NELFA: variants seen among roughly 807,000 people sequenced by gnomAD.
NELFA encodes the protein negative elongation factor complex member A.
Under a neutral mutation model 51.8 loss-of-function variants are expected in NELFA, and 35 were observed. The observed-to-expected ratio is 0.68, with a 90% confidence interval of 0.52 to 0.90. The LOEUF (loss-of-function observed/expected upper bound fraction) is 0.90. Among genes scored for constraint, NELFA ranks in the 40% least tolerant of loss-of-function variants. The pLI is 0.00. For missense variants in NELFA, 658 were observed against 746.4 expected (o/e 0.88, Z 1.38); for synonymous variants, 417 against 338.4 (o/e 1.23, Z -2.55).
At position 1,984,833 on chromosome 4, in the gene NELFA, G is replaced by A. The variant is rs748544211; in HGVS notation, c.1011C>T (p.Tyr337=). Residue 337 remains tyrosine, a synonymous_variant, in exon 8 of 11, where the codon TAC becomes TAT. Coordinates refer to ENST00000382882, the MANE Select transcript of NELFA (RefSeq NM_005663.5). The part of the protein sequence containing the change: ...STPSVVPASS[Y]IPSSETPPAP... The stretch of plus-strand genomic sequence containing the variant: ...CTGGGGGCGTCTCGGAGCTGGGGAT[G>A]TAGGAGGAGGCGGGAACCACGCTGG... 9 of 1,570,232 alleles carry A rather than the reference G, an allele frequency of 5.7e-6. No homozygotes were observed. The highest frequency in any genetic ancestry group is 4.7e-5 in the South Asian group (4 of 85,026).
At position 1,986,473 on chromosome 4, in the gene NELFA, G is replaced by A. The variant is rs369985875; in HGVS notation, c.635-71C>T. The A allele has an allele frequency of 1.5e-5, 24 of 1,605,956 alleles. No individual in the cohort carries two copies. In the African/African-American group the frequency reaches 1.9e-4, roughly 13 times the overall value. On this transcript the variant is annotated intron_variant, in intron 4 of 10. Coordinates refer to ENST00000382882, the MANE Select transcript of NELFA (RefSeq NM_005663.5). The stretch of plus-strand genomic sequence containing the variant: ...ACGTCCCCCACCCCGAGCTCAGAAC[G>A]TCCCACCCTCTTCTAGGCTAGCGCC...
chr4:1,986,870 C>G (rs755168897), intron 4 of NELFA, among the ~76,000 whole-genome samples: 23 of 152,154 alleles, frequency 1.5e-4, no homozygotes, highest in Non-Finnish European at 7.4e-5. Flanking sequence ...GGTGCCAGGC[C>G]CGGAGAGAGG....
chr4:1,993,361 C>G (rs1728333525), intron 1 of NELFA, among the ~76,000 whole-genome samples: 1 of 152,098 alleles, frequency 6.6e-6, no homozygotes, highest in African/African-American at 2.4e-5. Flanking sequence ...GCGGGCGGCT[C>G]ACGAGGTCAG....
In NELFA at chr4:1,986,136, C is replaced by A; in HGVS notation, c.813G>T (p.Ala271=). The change falls in exon 6 of 11, where the codon GCG becomes GCT. Residue 271 remains alanine (A), a synonymous_variant. Coordinates refer to ENST00000382882, the MANE Select transcript of NELFA (RefSeq NM_005663.5). The stretch of plus-strand genomic sequence containing the variant: ...CACCGAGAGTCTTCCTTCTCCGCTT[C>A]GCCTCTCGGCCAGCGCCAACCATAT... ...ELDMVGAGRE[A]KRRRKTLDAE... is the part of the protein sequence containing the mutation. The A allele has an allele frequency of 6.4e-7, 1 of 1,553,584 alleles. No homozygotes were observed. The highest frequency in any genetic ancestry group is 8.7e-7 in the Non-Finnish European group (1 of 1,148,174).
intron 1 of NELFA, among the ~76,000 whole-genome samples, chr4:2,006,711 G>A (rs1022909429): frequency 2.1e-5 from 3 of 141,496 alleles, no homozygotes; most frequent in Non-Finnish European, 3.0e-5. Context: ...CAAGGTTAAA[G>A]TGAGCTATGA....
intron 4 of NELFA, chr4:1,986,704 T>C (rs1207769908): frequency 8.1e-6 from 3 of 369,242 alleles, no homozygotes; most frequent in Non-Finnish European, 5.1e-6. Flanking sequence ...GCCTCCTTCC[T>C]GTGCCTCCAC....
chr4:1,986,406 G>A lies in NELFA; in HGVS notation c.635-4C>T. 1.9e-6 allele frequency: 3 copies of A among 1,612,684 alleles called. No individual in the cohort carries two copies. The highest frequency in any genetic ancestry group is 2.5e-6 in the Non-Finnish European group (3 of 1,179,632). On this transcript the variant is annotated splice_polypyrimidine_tract_variant and splice_region_variant and intron_variant, in intron 4 of 10. Coordinates refer to ENST00000382882, the MANE Select transcript of NELFA (RefSeq NM_005663.5). ...TTCGGGATGCCTTTGAGTGGGGCTG[G>A]AGGACGGCAACAGTCAGGGCGCCAG...
rs554264749 is a variant in NELFA, at chr4:1,995,226, C to A, written c.211-3511G>T. Among the ~76,000 whole-genome samples the A allele has an allele frequency of 8.6e-4, 131 of 152,332 alleles. 1 individual carries two copies. The highest frequency in any genetic ancestry group is 8.5e-3 in the Admixed American group (130 of 15,300). On this transcript the variant is annotated intron_variant, in intron 1 of 10. Coordinates refer to ENST00000382882, the MANE Select transcript of NELFA (RefSeq NM_005663.5). ...TCAGACTCTGGCTGAAACATCAGCTCTTCCTGGGTCTTGAGTCTCAGGGCT... is the reference window on the plus strand; with the variant it reads ...TCAGACTCTGGCTGAAACATCAGCTATTCCTGGGTCTTGAGTCTCAGGGCT...
chr4:1,984,234 TC>T, intron 8 of NELFA, 121 bp from the exon 9 acceptor site: 1 of 1,239,316 alleles, frequency 8.1e-7, no homozygotes, highest in Non-Finnish European at 1.1e-6. Context: ...TGACAAGAAC[TC>T]CCTGTGGCCC....
At chr4:1,990,228 C>T (rs1361553664) in intron 2 of NELFA, among the ~76,000 whole-genome samples, 1 of 152,072 alleles carries the variant, frequency 6.6e-6, no homozygotes, top group East Asian at 1.9e-4. Flanking sequence ...TAAGAAGGAC[C>T]CCCGATCTGT....
Position 1,995,161 on chromosome 4 carries a change from T to C in NELFA, c.211-3446A>G, listed in dbSNP as rs1728389339. On this transcript the variant is annotated intron_variant, in intron 1 of 10. Coordinates refer to ENST00000382882, the MANE Select transcript of NELFA (RefSeq NM_005663.5). ...AACAAAAATGCTGAGTAAGGGGAACTCCTGCCTGTTTGAGCTGGAAGATTG... is the reference window on the plus strand; with the variant it reads ...AACAAAAATGCTGAGTAAGGGGAACCCCTGCCTGTTTGAGCTGGAAGATTG... Among the ~76,000 whole-genome samples the C allele has an allele frequency of 4.6e-5, 7 of 152,232 alleles. No homozygotes were observed. The South Asian group carries it at 1.4e-3, about 32-fold the overall frequency.
chr4:1,987,619 G>A (rs557136684), intron 4 of NELFA: 11 of 400,934 alleles, frequency 2.7e-5, no homozygotes, highest in Admixed American at 1.8e-4. Context: ...CTCAGATCCC[G>A]GCCTTCCTGT....
chr4:1,984,259 A>G, intron 8 of NELFA, 146 bp from the exon 9 acceptor site: 2 of 1,015,378 alleles, frequency 2.0e-6, no homozygotes, highest in Non-Finnish European at 2.8e-6. Flanking sequence ...GCCAAGGCAC[A>G]GGCCCCAGAA....
intron 1 of NELFA, among the ~76,000 whole-genome samples, chr4:1,996,420 G>A (rs1311136114): frequency 2.0e-5 from 3 of 152,188 alleles, no homozygotes; most frequent in Non-Finnish European, 4.4e-5. Flanking sequence ...CACACGAAAA[G>A]AAGCCTGAGA....
At chr4:1,999,776 A>T (rs750430835) in intron 1 of NELFA, among the ~76,000 whole-genome samples, 4 of 152,246 alleles carry the variant, frequency 2.6e-5, no homozygotes, top group African/African-American at 7.2e-5. Flanking sequence ...TCAACTCTGG[A>T]TCAAGTGGAC....
rs200567269 is a variant in NELFA at position 1,986,217 on chromosome 4, G to A, written c.766-34C>T. On this transcript the variant is annotated intron_variant, in intron 5 of 10. Coordinates refer to ENST00000382882, the MANE Select transcript of NELFA (RefSeq NM_005663.5). ...ACAAGCACAGCCCTGCCTTAGTGAC[G>A]GCACCAGGGCGCAACGGGCCCCGGG... 1.8e-3 allele frequency: 2,807 copies of A among 1,560,898 alleles called. 5 individuals are homozygous for A. The highest frequency in any genetic ancestry group is 2.3e-3 in the Non-Finnish European group (2,651 of 1,152,360).
At position 1,983,846 on chromosome 4, in the gene NELFA, AC is replaced by A. The variant is rs753193165; in HGVS notation, c.1302+1del. ...CTGTGGGCCCTACCAGTGTACACCT[AC>A]CGTGAGGGACAGGTTCTTCTTAGGC... On this transcript the variant is annotated splice_donor_variant, in intron 9 of 10. Transcript: ENST00000382882. LOFTEE classifies it high-confidence loss of function. 6.4e-7 allele frequency: 1 copy of A among 1,570,762 alleles called. No individual in the cohort carries two copies. The highest frequency in any genetic ancestry group is 8.6e-7 in the Non-Finnish European group (1 of 1,157,876).
chr4:1,986,161 T>C lies in NELFA; in HGVS notation c.788A>G (p.Asp263Gly). 6.4e-7 allele frequency: 1 copy of C among 1,556,796 alleles called. No homozygotes were observed. The highest frequency in any genetic ancestry group is 1.9e-5 in the Admixed American group (1 of 51,700). The change falls in exon 6 of 11, where the codon GAT (aspartate) becomes GGT (glycine). Residue 263 changes from aspartate to glycine, a missense_variant. This residue lies in a region of NELFA where 371 missense variants were observed against 448.3 expected (regional missense o/e 0.83). Transcript: ENST00000382882. Reference protein sequence around the residue: ...GVKLLDISELDMVGAGREAKR... With the variant: ...GVKLLDISELGMVGAGREAKR... ...CGCCTCTCGGCCAGCGCCAACCATA[T>C]CCAGCTCAGAGATGTCCAGCAGCTG...
chr4:1,987,968 AC>A lies in NELFA; in HGVS notation c.583del (p.Val195CysfsTer60). On this transcript the variant is annotated frameshift_variant, in exon 4 of 11. Transcript: ENST00000382882. LOFTEE classifies it high-confidence loss of function. ...TAQQLKRSAG[V>X]PFHAKGRGLL... ...CCCCCGGCCCTTGGCGTGGAAGGGC[AC>A]CCCGGCGCTCCGCTTCAACTGCTGG... is the stretch of plus-strand genomic sequence containing the variant. The A allele has an allele frequency of 6.2e-7, 1 of 1,611,184 alleles. No individual in the cohort carries two copies. Among genetic ancestry groups the A allele is most frequent in the Non-Finnish European group, 8.5e-7 (1 of 1,179,676 alleles).
Sources: allele counts gnomAD v4.1 joint callset (sites outside exome capture counted in the v4.1 genomes callset), GRCh38; gene constraint gnomAD v4.1.1; regional missense constraint gnomAD v4.1.1; transcripts MANE v1.5; gene names NCBI Gene and HGNC (gene_info 2026-07-23, HGNC 2026-07-21).